The following MED15 variants were observed in gnomAD, a reference collection of about 807,000 sequenced individuals.
MED15 encodes the protein mediator complex subunit 15, also known as mediator of RNA polymerase II transcription subunit 15.
A neutral mutation model predicts 118.7 loss-of-function variants in MED15; 41 were observed. The ratio of observed to expected loss-of-function variants is 0.35; its 90% confidence interval spans 0.27 to 0.45. MED15 has a LOEUF of 0.45. Among genes scored for constraint, MED15 ranks in the 20% least tolerant of loss-of-function variants. The pLI is 1.00. For missense variants in MED15, 740 were observed against 1,025.5 expected (o/e 0.72, Z 3.80); for synonymous variants, 436 against 413.9 (o/e 1.05, Z -0.65).
At chr22:20,537,658 C>G (rs565675085) in intron 2 of MED15, among the ~76,000 whole-genome samples, 1 of 152,374 alleles carries the variant, frequency 6.6e-6, no homozygotes, top group Admixed American at 6.5e-5. Flanking sequence ...TTATCTAGAA[C>G]TCGCCACAGG....
chr22:20,563,404 G>A (rs1284973439), intron 5 of MED15, among the ~76,000 whole-genome samples: 3 of 152,142 alleles, frequency 2.0e-5, no homozygotes, highest in South Asian at 2.1e-4. Context: ...GTAAAAAGCC[G>A]ATCCCAAAAA....
chr22:20,530,741 G>T (rs2054827207), intron 1 of MED15, among the ~76,000 whole-genome samples: 1 of 150,236 alleles, frequency 6.7e-6, no homozygotes, highest in African/African-American at 2.4e-5. Context: ...TCATCAACAT[G>T]CCTGTGTGAG....
At chr22:20,509,204 CT>C (rs2053980172) in intron 1 of MED15, among the ~76,000 whole-genome samples, 1 of 151,942 alleles carries the variant, frequency 6.6e-6, no homozygotes, top group Non-Finnish European at 1.5e-5. Context: ...GGTACTAGCA[CT>C]TTAGTGGGGG....
chr22:20,529,950 C>T (rs6001392), intron 1 of MED15, among the ~76,000 whole-genome samples: 4,669 of 152,278 alleles, frequency 0.031, 255 homozygotes, highest in African/African-American at 0.11. Context: ...TCTCGAACTC[C>T]TGACCTCAAG....
intron 1 of MED15, among the ~76,000 whole-genome samples, chr22:20,510,970 G>A (rs138208737): frequency 1.3e-5 from 2 of 152,244 alleles, no homozygotes; most frequent in East Asian, 1.9e-4. Context: ...TGATGTGGGT[G>A]TTCTCAGTTC....
chr22:20,583,426 C>CA (rs1363261183), intron 13 of MED15, 33 bp downstream of exon 13: 1 of 1,609,948 alleles, frequency 6.2e-7, no homozygotes, highest in African/African-American at 1.3e-5. Flanking sequence ...GGAGGGTCCA[C>CA]AAGGGCACAG....
chr22:20,584,739 TGTGA>T, intron 14 of MED15, 112 bp from the exon 15 acceptor site: 1 of 1,291,068 alleles, frequency 7.7e-7, no homozygotes, highest in East Asian at 2.5e-5. Context: ...GGGTGGAGGC[TGTGA>T]GAGAGGCCTC....
rs145470703 is a variant in MED15 at position 20,527,866 on chromosome 22, A to G, written c.69-9251A>G. Among the ~76,000 whole-genome samples, 343 of 151,868 alleles carry G rather than the reference A, an allele frequency of 2.3e-3. 2 individuals are homozygous for G. The highest frequency in any genetic ancestry group is 7.8e-3 in the African/African-American group (325 of 41,410). On this transcript the variant is annotated intron_variant, in intron 1 of 17. Transcript: ENST00000263205. ...CAGCTACTCGGGAGGCTGAGGCAGAAGAATCACTTGAACGTGGGAGGCAGA... is the reference window on the plus strand; with the variant it reads ...CAGCTACTCGGGAGGCTGAGGCAGAGGAATCACTTGAACGTGGGAGGCAGA...
chr22:20,557,942 T>G (rs1166963862), intron 5 of MED15, among the ~76,000 whole-genome samples: 2 of 152,072 alleles, frequency 1.3e-5, no homozygotes, highest in Admixed American at 6.5e-5. Flanking sequence ...CCGTCTCTAC[T>G]AAAAATACAA....
chr22:20,550,186 T>C (rs2055713402), intron 2 of MED15, among the ~76,000 whole-genome samples: 1 of 152,118 alleles, frequency 6.6e-6, no homozygotes, highest in African/African-American at 2.4e-5. Context: ...CTCATACCAC[T>C]GTCCTTCAGG....
At chr22:20,526,772 C>T (rs2054661057) in intron 1 of MED15, among the ~76,000 whole-genome samples, 1 of 152,216 alleles carries the variant, frequency 6.6e-6, no homozygotes, top group African/African-American at 2.4e-5. Context: ...TTGGACCTCC[C>T]TTCTGGAACC....
intron 5 of MED15, among the ~76,000 whole-genome samples, chr22:20,562,369 A>T (rs528681110): frequency 5.3e-5 from 8 of 152,080 alleles, no homozygotes; most frequent in Admixed American, 2.0e-4. Flanking sequence ...AGAAAATTTA[A>T]AAGTATTGTC....
chr22:20,539,971 GTC>G (rs1205536068), intron 2 of MED15, among the ~76,000 whole-genome samples: 2 of 152,062 alleles, frequency 1.3e-5, no homozygotes, highest in Non-Finnish European at 2.9e-5. Flanking sequence ...TTGGATATAA[GTC>G]TGTTATTAAA....
intron 1 of MED15, among the ~76,000 whole-genome samples, chr22:20,514,293 C>G (rs1247476703): frequency 6.6e-6 from 1 of 152,162 alleles, no homozygotes; most frequent in Non-Finnish European, 1.5e-5. Flanking sequence ...TAATGTTGAG[C>G]CTGTCTCTGG....
chr22:20,515,712 G>C (rs908492845), intron 1 of MED15, among the ~76,000 whole-genome samples: 2 of 151,916 alleles, frequency 1.3e-5, no homozygotes, highest in Non-Finnish European at 1.5e-5. Context: ...CTTAAACCCG[G>C]GAGGCAGAGG....
chr22:20,525,718 T>G (rs1485710785), intron 1 of MED15, among the ~76,000 whole-genome samples: 2 of 151,524 alleles, frequency 1.3e-5, no homozygotes, highest in African/African-American at 4.9e-5. Flanking sequence ...GTATTTTTAG[T>G]AGAGACGGGG....
chr22:20,531,381 T>C (rs1194092641), intron 1 of MED15, among the ~76,000 whole-genome samples: 1 of 152,212 alleles, frequency 6.6e-6, no homozygotes. Context: ...TGCACCTTCG[T>C]CCTGGCCACA....
At chr22:20,540,074 A>C (rs1433839267) in intron 2 of MED15, among the ~76,000 whole-genome samples, 1 of 151,816 alleles carries the variant, frequency 6.6e-6, no homozygotes, top group Non-Finnish European at 1.5e-5. Context: ...GCCAGGCTGG[A>C]GTGCAGTGGA....
At chr22:20,577,793 C>T (rs1026705595) in intron 9 of MED15, among the ~76,000 whole-genome samples, 1 of 151,626 alleles carries the variant, frequency 6.6e-6, no homozygotes, top group African/African-American at 2.4e-5. Context: ...AGGACAAACG[C>T]GGCAGCATTT....
Sources: allele counts gnomAD v4.1 joint callset (sites outside exome capture counted in the v4.1 genomes callset), GRCh38; gene constraint gnomAD v4.1.1; transcripts MANE v1.5; gene names NCBI Gene and HGNC (gene_info 2026-07-23, HGNC 2026-07-21).